Variants in ANK3 observed in about 807,000 individuals in gnomAD.
ANK3 encodes ankyrin 3.
A neutral mutation model predicts 370.9 loss-of-function variants in ANK3; 57 were observed. The observed-to-expected ratio is 0.15, with a 90% confidence interval of 0.12 to 0.19. The LOEUF (loss-of-function observed/expected upper bound fraction) is 0.19. ANK3 is among the 10% of genes least tolerant of loss of function. ANK3 has a pLI of 1.00. For missense variants in ANK3, 4,439 were observed against 5,302.1 expected (o/e 0.84, Z 5.06); for synonymous variants, 1,929 against 1,946.3 (o/e 0.99, Z 0.23).
chr10:60,163,616 A>G (rs1591080177), intron 23 of ANK3, among the ~76,000 whole-genome samples: 1 of 152,228 alleles, frequency 6.6e-6, no homozygotes, highest in African/African-American at 2.4e-5. Context: ...AGCAAAGAAG[A>G]AAAAGGAAAA....
intron 17 of ANK3, 21 bp downstream of exon 17, chr10:60,186,694 G>T (rs1407956203): frequency 6.2e-6 from 10 of 1,612,756 alleles, no homozygotes; most frequent in African/African-American, 1.3e-5. Context: ...TGCATGCTTT[G>T]TCAAGAAAGA....
intron 1 of ANK3, among the ~76,000 whole-genome samples, chr10:60,365,740 T>C (rs887607789): frequency 5.3e-5 from 8 of 152,128 alleles, no homozygotes; most frequent in Non-Finnish European, 7.3e-5. Context: ...CTCTATCTTA[T>C]ACATGAGGAA....
At chr10:60,420,655 T>G (rs1479904020) in intron 2 of ANK3, among the ~76,000 whole-genome samples, 2 of 152,118 alleles carry the variant, frequency 1.3e-5, no homozygotes, top group East Asian at 3.9e-4. Flanking sequence ...GAACCATTAT[T>G]ACACCTGAAA....
At chr10:60,622,576 T>C (rs750221327) in intron 1 of ANK3, among the ~76,000 whole-genome samples, 1 of 152,178 alleles carries the variant, frequency 6.6e-6, no homozygotes, top group African/African-American at 2.4e-5. Context: ...AGAGAGAAAC[T>C]GAGGACAGGA....
In ANK3 at chr10:60,687,537, C is replaced by A. The variant is rs563156688; in HGVS notation, c.57+45726G>T. On this transcript the variant is annotated intron_variant, in intron 1 of 43. Coordinates refer to the ANK3 transcript ENST00000373827. ...TGCATTAGGCTGGTATAAAAAAAAACACACACACACACACACATGCACAAC... is the reference window on the plus strand; with the variant it reads ...TGCATTAGGCTGGTATAAAAAAAAAAACACACACACACACACATGCACAAC... Among the ~76,000 whole-genome samples, 112 of 151,012 alleles carry A rather than the reference C, an allele frequency of 7.4e-4. 1 individual carries two copies. The highest frequency in any genetic ancestry group is 7.0e-3 in the East Asian group (36 of 5,132).
At chr10:60,151,723 C>G (rs115818930) in intron 23 of ANK3, among the ~76,000 whole-genome samples, 1,926 of 152,282 alleles carry the variant, frequency 0.013, 45 homozygotes, top group African/African-American at 0.044. Context: ...GAATGCAAAA[C>G]AGACTAGCAT....
chr10:60,552,164 A>G (rs1200733848), intron 2 of ANK3, among the ~76,000 whole-genome samples: 1 of 152,204 alleles, frequency 6.6e-6, no homozygotes, highest in Non-Finnish European at 1.5e-5. Flanking sequence ...ATACACTCCA[A>G]TTTCAGAGAC....
intron 8 of ANK3, among the ~76,000 whole-genome samples, chr10:60,214,539 G>T (rs2096905430): frequency 6.6e-6 from 1 of 152,086 alleles, no homozygotes; most frequent in South Asian, 2.1e-4. Flanking sequence ...AGGCCCTGGT[G>T]TGTGTTGTTC....
intron 2 of ANK3, among the ~76,000 whole-genome samples, chr10:60,424,204 C>T (rs890274920): frequency 1.3e-5 from 2 of 152,010 alleles, no homozygotes; most frequent in African/African-American, 4.8e-5. Context: ...GCTCCAGTCA[C>T]ATTTGTCCTC....
intron 2 of ANK3, among the ~76,000 whole-genome samples, chr10:60,468,122 T>C (rs1216464632): frequency 6.6e-6 from 1 of 151,810 alleles, no homozygotes; most frequent in Non-Finnish European, 1.5e-5. Context: ...GTAGCTGGGA[T>C]TACAGGCATG....
intron 1 of ANK3, among the ~76,000 whole-genome samples, chr10:60,280,772 C>T (rs1266844867): frequency 6.6e-6 from 1 of 152,204 alleles, no homozygotes; most frequent in Non-Finnish European, 1.5e-5. Flanking sequence ...CTTCTTTCAG[C>T]AATATGGTAA....
At chr10:60,121,552 C>T (rs1050542053) in intron 25 of ANK3, among the ~76,000 whole-genome samples, 5 of 151,598 alleles carry the variant, frequency 3.3e-5, no homozygotes, top group East Asian at 1.9e-4. Flanking sequence ...AAGAGCCAAG[C>T]GTGGTGGTGT....
At chr10:60,328,604 C>A (rs1417016781) in intron 1 of ANK3, among the ~76,000 whole-genome samples, 1 of 152,158 alleles carries the variant, frequency 6.6e-6, no homozygotes, top group African/African-American at 2.4e-5. Context: ...AGTCCAATCC[C>A]TGAATGGACC....
intron 2 of ANK3, among the ~76,000 whole-genome samples, chr10:60,589,969 G>A (rs1362999828): frequency 6.6e-6 from 1 of 152,152 alleles, no homozygotes; most frequent in Non-Finnish European, 1.5e-5. Context: ...AAAAACAGTA[G>A]GTGTAGTCTT....
At chr10:60,453,981 C>G (rs2064679134) in intron 2 of ANK3, among the ~76,000 whole-genome samples, 1 of 152,104 alleles carries the variant, frequency 6.6e-6, no homozygotes, top group Non-Finnish European at 1.5e-5. Context: ...ATAGGTTTCT[C>G]AACATTTTAA....
intron 28 of ANK3, among the ~76,000 whole-genome samples, chr10:60,089,185 A>G (rs140780595): frequency 1.5e-3 from 231 of 152,320 alleles, no homozygotes; most frequent in African/African-American, 5.5e-3. Flanking sequence ...CAACCTGTCC[A>G]CAAATGGATA....
chr10:60,320,467 T>C (rs1449648488), intron 1 of ANK3, among the ~76,000 whole-genome samples: 1 of 152,184 alleles, frequency 6.6e-6, no homozygotes, highest in African/African-American at 2.4e-5. Flanking sequence ...TGGTGGCACA[T>C]GCCTGTAATC....
At chr10:60,043,731 T>C (rs1390855043) in intron 42 of ANK3, 17 of 985,354 alleles carry the variant, frequency 1.7e-5, no homozygotes, top group Non-Finnish European at 2.0e-5. Context: ...ACAGACACTC[T>C]GCTGAAGGCC....
At position 60,105,958 on chromosome 10, in the gene ANK3, T is replaced by A; in HGVS notation, c.3275A>T (p.Gln1092Leu). ...SENGETWKEH[Q>L]FDSKNEDLTE... The stretch of plus-strand genomic sequence containing the variant: ...TAAATCTTCATTTTTGCTGTCAAAC[T>A]GATGCTCCTTCCAAGTTTCACCATT... The change falls in exon 28 of 44, where the codon CAG becomes CTG. Residue 1092 changes from glutamine (Q) to leucine (L), a missense_variant. Coordinates refer to ENST00000280772, the MANE Select transcript of ANK3 (RefSeq NM_020987.5). 6.2e-7 allele frequency: 1 copy of A among 1,612,648 alleles called. No individual in the cohort carries two copies. The highest frequency in any genetic ancestry group is 1.1e-5 in the South Asian group (1 of 90,810).
Sources: gnomAD v4.1 joint callset for allele counts (sites outside exome capture counted in the v4.1 genomes callset) on GRCh38, gnomAD v4.1.1 for gene constraint, MANE v1.5 for transcripts, NCBI Gene and HGNC (gene_info 2026-07-23, HGNC 2026-07-21) for gene names.